The following RAI2 variants were observed in gnomAD, a reference collection of about 807,000 sequenced individuals.
The protein encoded by RAI2 is retinoic acid-induced protein 2.
A neutral mutation model predicts 15.3 loss-of-function variants in RAI2; 5 were observed. The observed-to-expected ratio is 0.33, with a 90% confidence interval of 0.17 to 0.69. The LOEUF is 0.69. RAI2 is among the 30% of genes least tolerant of loss of function. The pLI, the probability that RAI2 is intolerant of heterozygous loss-of-function variation, is 0.69. For synonymous variants in RAI2, 191 were observed against 184.0 expected (o/e 1.04, Z -0.31); for missense variants, 424 against 424.7 (o/e 1.00, Z 0.01).
chrX:17,837,975 A>G (rs1252875664), intron 1 of RAI2, among the ~76,000 whole-genome samples: 1 of 112,342 alleles, frequency 8.9e-6, no homozygotes, highest in African/African-American at 3.2e-5. Context: ...ACATCCATAC[A>G]ATAAGATACT....
intron 1 of RAI2, among the ~76,000 whole-genome samples, chrX:17,832,353 A>T (rs1304484039): frequency 1.8e-5 from 2 of 111,370 alleles, no homozygotes; most frequent in Admixed American, 1.9e-4. Flanking sequence ...TCCAGGTTGC[A>T]GACCCACCCT....
chrX:17,813,819 T>G (rs1727355154), intron 1 of RAI2, among the ~76,000 whole-genome samples: 1 of 111,727 alleles, frequency 9.0e-6, no homozygotes, highest in African/African-American at 3.3e-5. Flanking sequence ...CAGGTTTCCA[T>G]GCAGAAGTTA....
intron 1 of RAI2, among the ~76,000 whole-genome samples, chrX:17,838,926 AAC>A (rs1188843339): frequency 8.9e-6 from 1 of 112,166 alleles, no homozygotes; most frequent in Non-Finnish European, 1.9e-5. Context: ...AGGGATCATA[AAC>A]ACACAGAGTG....
intron 1 of RAI2, among the ~76,000 whole-genome samples, chrX:17,841,562 T>G (rs1039173097): frequency 8.9e-6 from 1 of 112,711 alleles, no homozygotes; most frequent in Non-Finnish European, 1.9e-5. Context: ...TCCATGTGTG[T>G]GGTCGAGATA....
chrX:17,824,281 A>G (rs2067202859), intron 1 of RAI2, among the ~76,000 whole-genome samples: 3 of 112,357 alleles, frequency 2.7e-5, no homozygotes, highest in Non-Finnish European at 5.6e-5. Flanking sequence ...AAGTGCCTGC[A>G]GCGCTGATTA....
intron 1 of RAI2, among the ~76,000 whole-genome samples, chrX:17,826,616 C>G (rs2067229603): frequency 9.0e-6 from 1 of 111,297 alleles, no homozygotes; most frequent in South Asian, 3.8e-4. Context: ...AGAGGTGCTA[C>G]CAAATATTGA....
At position 17,800,161 on chromosome X, in the gene RAI2, C is replaced by T; in HGVS notation, c.*257G>A. ...AGCTTTTTTTACCCCTCTAATTCACCCAATATTCCATTAAAGCTGCAAAAA... is the reference window on the plus strand; with the variant it reads ...AGCTTTTTTTACCCCTCTAATTCACTCAATATTCCATTAAAGCTGCAAAAA... On this transcript the variant is annotated 3_prime_UTR_variant, in exon 2 of 2. Coordinates refer to ENST00000451717, the MANE Select transcript of RAI2 (RefSeq NM_021785.6). 3.0e-6 allele frequency: 1 copy of T among 328,787 alleles called. No homozygotes were observed. Among genetic ancestry groups the T allele is most frequent in the Non-Finnish European group, 5.2e-6 (1 of 193,871 alleles). The allele number at this position is 328,787 out of a possible 1,213,427, so 27.1% of individuals were successfully genotyped here. A position where few individuals can be genotyped will look rare whatever the true frequency, so the allele number is the denominator to read the frequency against.
At position 17,830,354 on chromosome X, in the gene RAI2, G is replaced by C. The variant is rs771625465; in HGVS notation, c.-24-28320C>G. On this transcript the variant is annotated intron_variant, in intron 1 of 1. Transcript: ENST00000451717. ...GACATTCCATAGCATTCACATCTGA[G>C]AACGTGTTCTATTACATAATCAGCA... Among the ~76,000 whole-genome samples the C allele has an allele frequency of 6.2e-4, 70 of 112,472 alleles. 1 individual carries two copies. Among genetic ancestry groups the C allele is most frequent in the African/African-American group, 2.2e-3 (67 of 30,970 alleles).
chrX:17,847,683 G>C (rs767063778), intron 1 of RAI2, among the ~76,000 whole-genome samples: 1 of 113,171 alleles, frequency 8.8e-6, no homozygotes, highest in Non-Finnish European at 1.9e-5. Context: ...AGGAATGAAG[G>C]GGAAGGGTGG....
chrX:17,841,451 C>T (rs749912262), intron 1 of RAI2, among the ~76,000 whole-genome samples: 7 of 112,309 alleles, frequency 6.2e-5, no homozygotes, highest in Middle Eastern at 4.6e-3. Flanking sequence ...CCCTTAAGCT[C>T]GCACTTTGCA....
intron 1 of RAI2, among the ~76,000 whole-genome samples, chrX:17,806,830 A>G (rs2066986546): frequency 9.0e-6 from 1 of 111,035 alleles, no homozygotes; most frequent in African/African-American, 3.3e-5. Flanking sequence ...GTGAAGGGGA[A>G]GGAAGCACAT....
chrX:17,858,178 T>C (rs2067640809), intron 1 of RAI2, among the ~76,000 whole-genome samples: 1 of 111,494 alleles, frequency 9.0e-6, no homozygotes, highest in African/African-American at 3.3e-5. Flanking sequence ...TTAAGAGAAA[T>C]AAATAAGAGA....
chrX:17,852,116 G>A lies in RAI2; in HGVS notation c.-25+8982C>T, dbSNP rs1022912953. Among the ~76,000 whole-genome samples, 53 of 111,572 alleles carry A rather than the reference G, an allele frequency of 4.8e-4. 1 individual carries two copies. Among genetic ancestry groups the A allele is most frequent in the Non-Finnish European group, 7.5e-5 (4 of 53,135 alleles). ...CATCACCTGAATCCTGGCCTGCAACGGACTGGCAACTTAGAATGTCCAAGT... is the reference window on the plus strand; with the variant it reads ...CATCACCTGAATCCTGGCCTGCAACAGACTGGCAACTTAGAATGTCCAAGT... On this transcript the variant is annotated intron_variant, in intron 1 of 1. Coordinates refer to ENST00000451717, the MANE Select transcript of RAI2 (RefSeq NM_021785.6).
chrX:17,847,024 G>A (rs770447932), intron 1 of RAI2, among the ~76,000 whole-genome samples: 40 of 111,921 alleles, frequency 3.6e-4, no homozygotes, highest in Non-Finnish European at 6.6e-4. Flanking sequence ...CATGTAAGAT[G>A]TCCCTTTGCT....
intron 1 of RAI2, among the ~76,000 whole-genome samples, chrX:17,834,992 G>T (rs2067318739): frequency 9.0e-6 from 1 of 111,319 alleles, no homozygotes; most frequent in African/African-American, 3.3e-5. Context: ...GCTTTCAAAT[G>T]AACATATCAG....
At position 17,835,261 on chromosome X, in the gene RAI2, G is replaced by C. The variant is rs186333252; in HGVS notation, c.-25+25837C>G. On this transcript the variant is annotated intron_variant, in intron 1 of 1. Coordinates refer to ENST00000451717, the MANE Select transcript of RAI2 (RefSeq NM_021785.6). ...TCTGCAATCAGTGAAACAGTAAAAC[G>C]ATTAGAAAATGTGTGTAGCATGGTG... Among the ~76,000 whole-genome samples the C allele has an allele frequency of 3.6e-5, 4 of 112,426 alleles. No homozygotes were observed. In the South Asian group the frequency reaches 1.1e-3, roughly 31 times the overall value.
chrX:17,841,608 G>GTTCATTTA (rs1326783754), intron 1 of RAI2, among the ~76,000 whole-genome samples: 1 of 112,186 alleles, frequency 8.9e-6, no homozygotes, highest in African/African-American at 3.2e-5. Flanking sequence ...CTATTCATTT[G>GTTCATTTA]TTCATTTATT....
intron 1 of RAI2, among the ~76,000 whole-genome samples, chrX:17,855,149 C>T (rs1052941543): frequency 9.8e-5 from 11 of 112,052 alleles, no homozygotes; most frequent in Non-Finnish European, 1.3e-4. Flanking sequence ...CTGTCTCCCT[C>T]GCAGAAATTT....
At chrX:17,811,244 AG>A (rs2067046655) in intron 1 of RAI2, among the ~76,000 whole-genome samples, 1 of 112,384 alleles carries the variant, frequency 8.9e-6, no homozygotes. Flanking sequence ...TGGTGGTGGT[AG>A]GGAACACTCA....
Sources: allele counts gnomAD v4.1 joint callset (sites outside exome capture counted in the v4.1 genomes callset), GRCh38; gene constraint gnomAD v4.1.1; transcripts MANE v1.5; gene names NCBI Gene and HGNC (gene_info 2026-07-23, HGNC 2026-07-21).